Variants in SGCZ observed in about 807,000 individuals in gnomAD.
SGCZ encodes zeta-sarcoglycan.
A neutral mutation model predicts 41.3 loss-of-function variants in SGCZ; 40 were observed. The observed-to-expected ratio is 0.97, with a 90% confidence interval of 0.75 to 1.26. The LOEUF (loss-of-function observed/expected upper bound fraction) is 1.26. Ranked by LOEUF, SGCZ falls within the 50% of genes most tolerant of loss-of-function variation. The pLI is 0.00. For missense variants in SGCZ, 552 were observed against 369.8 expected (o/e 1.49, Z -4.04); for synonymous variants, 206 against 137.5 (o/e 1.50, Z -3.49).
chr8:14,120,538 A>G (rs895962374), intron 5 of SGCZ, among the ~76,000 whole-genome samples: 1 of 152,128 alleles, frequency 6.6e-6, no homozygotes, highest in Non-Finnish European at 1.5e-5. Context: ...TCTATACTAT[A>G]TATAGTTCTT....
intron 1 of SGCZ, among the ~76,000 whole-genome samples, chr8:15,137,022 G>A (rs1808134241): frequency 6.6e-6 from 1 of 152,210 alleles, no homozygotes; most frequent in Non-Finnish European, 1.5e-5. Flanking sequence ...ACAGGAAGAT[G>A]TGGGAAAGTT....
intron 5 of SGCZ, among the ~76,000 whole-genome samples, chr8:14,133,138 A>G (rs1210926502): frequency 1.3e-5 from 2 of 152,216 alleles, no homozygotes; most frequent in Non-Finnish European, 2.9e-5. Context: ...GATCAGCCCA[A>G]GGTGAAAACT....
At chr8:14,626,014 C>T (rs2117383488) in intron 1 of SGCZ, among the ~76,000 whole-genome samples, 1 of 152,290 alleles carries the variant, frequency 6.6e-6, no homozygotes, top group Non-Finnish European at 1.5e-5. Flanking sequence ...CAGTCGCATA[C>T]TGTCGCTAGG....
At chr8:14,542,323 C>G (rs1385012614) in intron 2 of SGCZ, among the ~76,000 whole-genome samples, 1 of 152,000 alleles carries the variant, frequency 6.6e-6, no homozygotes, top group Non-Finnish European at 1.5e-5. Flanking sequence ...ACATTTGCCT[C>G]TTTCATTTCA....
chr8:14,522,673 T>C (rs1033132174), intron 2 of SGCZ, among the ~76,000 whole-genome samples: 5 of 151,838 alleles, frequency 3.3e-5, no homozygotes, highest in African/African-American at 1.2e-4. Flanking sequence ...AAAATACAAC[T>C]GTCTTTTCAT....
At chr8:15,061,665 G>A (rs896246089) in intron 1 of SGCZ, among the ~76,000 whole-genome samples, 1 of 150,708 alleles carries the variant, frequency 6.6e-6, no homozygotes, top group Non-Finnish European at 1.5e-5. Context: ...GCCATGTGAG[G>A]ATACCATTTC....
At chr8:14,641,481 C>G (rs894632714) in intron 1 of SGCZ, among the ~76,000 whole-genome samples, 1 of 151,678 alleles carries the variant, frequency 6.6e-6, no homozygotes, top group Non-Finnish European at 1.5e-5. Context: ...TAGGACGCTA[C>G]AAGTCTCCTA....
intron 4 of SGCZ, among the ~76,000 whole-genome samples, chr8:14,210,156 C>G (rs1238160784): frequency 6.6e-6 from 1 of 152,122 alleles, no homozygotes; most frequent in East Asian, 1.9e-4. Context: ...CTACCAGGCT[C>G]AAGCAATTCT....
intron 1 of SGCZ, among the ~76,000 whole-genome samples, chr8:14,623,006 G>T (rs528424016): frequency 5.6e-4 from 85 of 152,234 alleles, no homozygotes; most frequent in South Asian, 1.2e-3. Flanking sequence ...TAGTGAAAAG[G>T]TCCTGGCTTT....
intron 2 of SGCZ, among the ~76,000 whole-genome samples, chr8:14,490,132 C>T (rs558199842): frequency 2.4e-4 from 36 of 152,262 alleles, no homozygotes; most frequent in African/African-American, 8.7e-4. Context: ...TTCAAAAGTT[C>T]TGGGATTACA....
chr8:14,132,194 G>C (rs894052487), intron 5 of SGCZ, among the ~76,000 whole-genome samples: 2 of 152,062 alleles, frequency 1.3e-5, no homozygotes. Flanking sequence ...CTGTCTTAAA[G>C]TTTGCTATTT....
intron 2 of SGCZ, among the ~76,000 whole-genome samples, chr8:14,552,785 T>A (rs1194631328): frequency 6.6e-6 from 1 of 152,058 alleles, no homozygotes; most frequent in Non-Finnish European, 1.5e-5. Flanking sequence ...TGTAGCCATG[T>A]AATTACGCAT....
At chr8:14,502,680 G>A (rs1296479516) in intron 2 of SGCZ, among the ~76,000 whole-genome samples, 3 of 152,046 alleles carry the variant, frequency 2.0e-5, no homozygotes, top group Admixed American at 6.5e-5. Flanking sequence ...ACATTTATGC[G>A]GCCAATAAAC....
At chr8:14,297,616 G>C (rs141184362) in intron 3 of SGCZ, among the ~76,000 whole-genome samples, 1 of 151,912 alleles carries the variant, frequency 6.6e-6, no homozygotes, top group East Asian at 1.9e-4. Context: ...ATATTATAAA[G>C]ACTTTCATGT....
intron 1 of SGCZ, among the ~76,000 whole-genome samples, chr8:14,696,384 G>T (rs1489195692): frequency 6.6e-6 from 1 of 152,038 alleles, no homozygotes; most frequent in Non-Finnish European, 1.5e-5. Flanking sequence ...GCATGGCAGA[G>T]CGAAAGCCCA....
intron 1 of SGCZ, among the ~76,000 whole-genome samples, chr8:14,648,269 G>A (rs17119938): frequency 0.055 from 8,435 of 152,126 alleles, 266 homozygotes; most frequent in South Asian, 0.14. Flanking sequence ...ATCTCTGTCT[G>A]GCTAGATGAT....
intron 1 of SGCZ, among the ~76,000 whole-genome samples, chr8:15,117,248 A>T (rs1807302691): frequency 6.6e-6 from 1 of 152,070 alleles, no homozygotes; most frequent in Middle Eastern, 3.4e-3. Context: ...AGTCCCAGCT[A>T]CTCAGGGAGC....
intron 4 of SGCZ, among the ~76,000 whole-genome samples, chr8:14,229,837 C>T (rs997794608): frequency 1.3e-5 from 2 of 151,918 alleles, no homozygotes; most frequent in Non-Finnish European, 2.9e-5. Context: ...ATTATAAAAC[C>T]CTCATCTACA....
chr8:14,295,131 T>C (rs1417264133), intron 3 of SGCZ, among the ~76,000 whole-genome samples: 1 of 152,220 alleles, frequency 6.6e-6, no homozygotes, highest in African/African-American at 2.4e-5. Flanking sequence ...AAAGCTTTTC[T>C]GTAAATGTTT....
Sources: allele counts gnomAD v4.1 joint callset (sites outside exome capture counted in the v4.1 genomes callset), GRCh38; gene constraint gnomAD v4.1.1; transcripts MANE v1.5; gene names NCBI Gene and HGNC (gene_info 2026-07-23, HGNC 2026-07-21).